The following ZNF804B variants were observed in gnomAD, a reference collection of about 807,000 sequenced individuals.
ZNF804B encodes zinc finger protein 804B.
Under a neutral mutation model 101.4 loss-of-function variants are expected in ZNF804B, and 80 were observed. The ratio of observed to expected loss-of-function variants is 0.79; its 90% CI spans 0.66 to 0.95. The LOEUF is 0.95. Ranked by LOEUF, ZNF804B falls within the 40% of genes least tolerant of loss-of-function variation. The probability of loss-of-function intolerance (pLI) is 0.00; values close to 1 mark genes in which losing one functional copy is unlikely to be tolerated. For missense variants in ZNF804B, 1,673 were observed against 1,561.9 expected (o/e 1.07, Z -1.20); for synonymous variants, 622 against 558.8 (o/e 1.11, Z -1.59).
chr7:88,762,221 T>C (rs1016037095), intron 1 of ZNF804B, among the ~76,000 whole-genome samples: 5 of 152,356 alleles, frequency 3.3e-5, no homozygotes, highest in Middle Eastern at 3.4e-3. Flanking sequence ...CTCAACACTA[T>C]TTGATTTACT....
intron 1 of ZNF804B, among the ~76,000 whole-genome samples, chr7:89,213,410 TTC>T (rs1256720108): frequency 6.6e-6 from 1 of 152,230 alleles, no homozygotes; most frequent in Admixed American, 6.5e-5. Context: ...ATGAATTCAA[TTC>T]TCACAGCTCT....
chr7:88,956,862 T>C (rs1049343310), intron 1 of ZNF804B, among the ~76,000 whole-genome samples: 1 of 151,530 alleles, frequency 6.6e-6, no homozygotes, highest in Non-Finnish European at 1.5e-5. Flanking sequence ...TTTTGTTGCA[T>C]ACACTTTTCT....
At chr7:88,940,539 G>A (rs1210189706) in intron 1 of ZNF804B, among the ~76,000 whole-genome samples, 1 of 151,752 alleles carries the variant, frequency 6.6e-6, no homozygotes, top group African/African-American at 2.4e-5. Flanking sequence ...TGAGGACGAG[G>A]CAGGAGGATT....
At position 89,253,859 on chromosome 7, in the gene ZNF804B, A is replaced by C. The variant is rs113398884; in HGVS notation, c.249+35564A>C. On this transcript the variant is annotated intron_variant, in intron 2 of 3. Transcript: ENST00000333190. ...AAGCTGAATTTCTCCAAAGAATGCAAACCCCGTTTATACTAGAAAATGGAT... is the reference window on the plus strand; with the variant it reads ...AAGCTGAATTTCTCCAAAGAATGCACACCCCGTTTATACTAGAAAATGGAT... Among the ~76,000 whole-genome samples, 370 of 152,268 alleles carry C rather than the reference A, an allele frequency of 2.4e-3. 3 individuals are homozygous for C. Among genetic ancestry groups the C allele is most frequent in the African/African-American group, 8.6e-3 (358 of 41,580 alleles).
At chr7:89,033,670 A>T (rs1015948677) in intron 1 of ZNF804B, among the ~76,000 whole-genome samples, 13 of 152,290 alleles carry the variant, frequency 8.5e-5, no homozygotes, top group African/African-American at 3.1e-4. Flanking sequence ...TAAAAAAAAA[A>T]TTATGTAAAT....
At chr7:89,268,058 T>C (rs370269547) in intron 2 of ZNF804B, among the ~76,000 whole-genome samples, 8 of 152,276 alleles carry the variant, frequency 5.3e-5, no homozygotes, top group African/African-American at 1.9e-4. Flanking sequence ...CTACACATGT[T>C]GCTGTGATGA....
chr7:89,032,105 A>G (rs984808654), intron 1 of ZNF804B, among the ~76,000 whole-genome samples: 1 of 152,142 alleles, frequency 6.6e-6, no homozygotes, highest in South Asian at 2.1e-4. Flanking sequence ...TTTTGAGTTG[A>G]AATAAATCCT....
intron 1 of ZNF804B, among the ~76,000 whole-genome samples, chr7:89,207,988 GA>G (rs1788739870): frequency 6.6e-6 from 1 of 152,000 alleles, no homozygotes; most frequent in Admixed American, 6.6e-5. Context: ...CTGTATTAGA[GA>G]AACTGATAGT....
rs187233289 is a variant in ZNF804B at position 88,898,243 on chromosome 7, C to T, written c.108+138159C>T. On this transcript the variant is annotated intron_variant, in intron 1 of 3. Transcript: ENST00000333190. ...CTGGAACTACAGGCGCCCGCCACCA[C>T]GCCCAGCTAATTTTTTGTATTTTTA... Among the ~76,000 whole-genome samples the T allele has an allele frequency of 3.2e-3, 486 of 151,734 alleles. 2 individuals carry two copies. Among genetic ancestry groups the T allele is most frequent in the African/African-American group, 0.011 (445 of 41,434 alleles).
At chr7:88,907,993 A>G (rs1023405438) in intron 1 of ZNF804B, among the ~76,000 whole-genome samples, 3 of 151,900 alleles carry the variant, frequency 2.0e-5, no homozygotes, top group African/African-American at 7.2e-5. Flanking sequence ...GCTTGGGAAC[A>G]AGCATTCTTG....
At chr7:88,862,751 C>T (rs560406007) in intron 1 of ZNF804B, among the ~76,000 whole-genome samples, 75 of 152,114 alleles carry the variant, frequency 4.9e-4, no homozygotes, top group African/African-American at 1.7e-3. Context: ...AACTATGAAC[C>T]CAGGTTTTGT....
intron 1 of ZNF804B, among the ~76,000 whole-genome samples, chr7:89,063,656 A>C (rs113558432): frequency 3.3e-5 from 5 of 152,196 alleles, no homozygotes; most frequent in African/African-American, 1.2e-4. Context: ...AAAGAGGAAG[A>C]CCATCACAAT....
intron 1 of ZNF804B, among the ~76,000 whole-genome samples, chr7:88,825,181 A>T (rs918690744): frequency 9.2e-5 from 14 of 152,238 alleles, no homozygotes; most frequent in African/African-American, 2.9e-4. Flanking sequence ...ATAGTGCATA[A>T]GTGCATATCT....
chr7:89,278,170 A>G (rs1218731078), intron 2 of ZNF804B, among the ~76,000 whole-genome samples: 2 of 152,032 alleles, frequency 1.3e-5, no homozygotes, highest in Admixed American at 6.6e-5. Flanking sequence ...GTCTGTTCAT[A>G]TCCTTTGCCC....
At chr7:89,321,650 C>G (rs927186743) in intron 2 of ZNF804B, among the ~76,000 whole-genome samples, 4 of 151,560 alleles carry the variant, frequency 2.6e-5, no homozygotes, top group African/African-American at 9.7e-5. Flanking sequence ...GAGAAAAGAG[C>G]AGATTCACCA....
chr7:89,120,439 C>T (rs112997467), intron 1 of ZNF804B, among the ~76,000 whole-genome samples: 14,405 of 152,114 alleles, frequency 0.095, 749 homozygotes, highest in Middle Eastern at 0.14. Flanking sequence ...GGGCAGATCA[C>T]GAGGTCAGGA....
chr7:88,877,182 C>G (rs1254194822), intron 1 of ZNF804B, among the ~76,000 whole-genome samples: 1 of 147,554 alleles, frequency 6.8e-6, no homozygotes, highest in East Asian at 2.0e-4. Flanking sequence ...GCCTCAGCCT[C>G]CTGAGTAGCT....
At chr7:88,788,797 G>T (rs1324478152) in intron 1 of ZNF804B, among the ~76,000 whole-genome samples, 1 of 152,130 alleles carries the variant, frequency 6.6e-6, no homozygotes, top group Non-Finnish European at 1.5e-5. Context: ...AATTAGAGAA[G>T]TGTGCAACTA....
intron 1 of ZNF804B, among the ~76,000 whole-genome samples, chr7:89,190,739 C>G (rs1353780236): frequency 6.6e-6 from 1 of 152,042 alleles, no homozygotes; most frequent in East Asian, 1.9e-4. Flanking sequence ...CACAGATACC[C>G]CAACCTTTGG....
Sources: allele counts gnomAD v4.1 joint callset (sites outside exome capture counted in the v4.1 genomes callset), GRCh38; gene constraint gnomAD v4.1.1; transcripts MANE v1.5; gene names NCBI Gene and HGNC (gene_info 2026-07-23, HGNC 2026-07-21).